Variants in OSBPL1A observed in about 807,000 individuals in gnomAD.
OSBPL1A encodes the protein oxysterol-binding protein-related protein 1.
A neutral mutation model predicts 137.1 loss-of-function variants in OSBPL1A; 80 were observed. That is an observed-to-expected ratio of 0.58 (90% confidence interval 0.49 to 0.70). OSBPL1A has a LOEUF of 0.70. OSBPL1A is among the 30% of genes least tolerant of loss of function. OSBPL1A has a pLI of 0.00. For synonymous variants in OSBPL1A, 365 were observed against 389.7 expected, an observed-to-expected ratio of 0.94 and a Z score of 0.75; for missense variants, 970 against 1,129.4, an observed-to-expected ratio of 0.86 and a Z score of 2.02.
Position 24,239,215 on chromosome 18 carries a change from G to A in OSBPL1A, c.1444+5C>T, listed in dbSNP as rs2088599774. On this transcript the variant is annotated splice_donor_5th_base_variant and intron_variant, in intron 16 of 27. Coordinates refer to ENST00000319481, the MANE Select transcript of OSBPL1A (RefSeq NM_080597.4). ...ACAATGCAGAGGGAAGGATCCCAGAGTTACCTGACAGCGCATCATAGAACT... is the reference window on the plus strand; with the variant it reads ...ACAATGCAGAGGGAAGGATCCCAGAATTACCTGACAGCGCATCATAGAACT... The A allele has an allele frequency of 6.8e-6, 11 of 1,612,846 alleles. No homozygotes were observed. Among genetic ancestry groups the A allele is most frequent in the Non-Finnish European group, 5.9e-6 (7 of 1,179,614 alleles).
chr18:24,199,905 A>C (rs1251942764), intron 17 of OSBPL1A, among the ~76,000 whole-genome samples: 1 of 152,146 alleles, frequency 6.6e-6, no homozygotes, highest in Non-Finnish European at 1.5e-5. Context: ...ACAACAAAGA[A>C]TTACCCACCT....
At position 24,341,583 on chromosome 18, in the gene OSBPL1A, C is replaced by A. The variant is rs192492030; in HGVS notation, c.358G>T (p.Val120Phe). 1.2e-6 allele frequency: 2 copies of A among 1,613,244 alleles called. No homozygotes were observed. Among genetic ancestry groups the A allele is most frequent in the Admixed American group, 3.3e-5 (2 of 59,932 alleles). Residue 120 changes from valine to phenylalanine, a missense_variant, in exon 5 of 28, where the codon GTT becomes TTT. By Grantham distance (50) the Val-to-Phe change is conservative. Around this residue, in one of 2 missense-constraint regions of OSBPL1A, gnomAD observed 647 missense variants for 672.6 expected, o/e 0.96. Transcript: ENST00000319481. Reference sequence around the variant, plus strand: ...CTTCTGATTTCTTCAGCATGAGTAACTTCTTTTGCTGTCTGTCCACTCCCA... The same window carrying A: ...CTTCTGATTTCTTCAGCATGAGTAAATTCTTTTGCTGTCTGTCCACTCCCA... ...VNGSGQTAKE[V>F]THAEEIRSML...
chr18:24,289,300 T>G (rs567894549), intron 14 of OSBPL1A, among the ~76,000 whole-genome samples: 1 of 152,282 alleles, frequency 6.6e-6, no homozygotes, highest in East Asian at 1.9e-4. Context: ...TACCTTACAT[T>G]GTAGATCTGG....
chr18:24,201,931 G>GA (rs1163401322), intron 17 of OSBPL1A, among the ~76,000 whole-genome samples: 1 of 151,996 alleles, frequency 6.6e-6, no homozygotes, highest in Non-Finnish European at 1.5e-5. Context: ...GAGGCCCTCT[G>GA]AAAAAAAGAA....
In OSBPL1A at chr18:24,225,489, G is replaced by A. The variant is rs191778452; in HGVS notation, c.1445-291C>T. Among the ~76,000 whole-genome samples, 394 of 152,280 alleles carry A rather than the reference G, an allele frequency of 2.6e-3. 3 individuals are homozygous for A. The highest frequency in any genetic ancestry group is 4.4e-3 in the Non-Finnish European group (301 of 68,020). On this transcript the variant is annotated intron_variant, in intron 16 of 27. Coordinates refer to ENST00000319481, the MANE Select transcript of OSBPL1A (RefSeq NM_080597.4). ...TCAGTTCTTTACGAAATCATATTCA[G>A]TGGTTGCCCCCAAAATTTCCACCTC...
At chr18:24,177,867 C>A in intron 21 of OSBPL1A, 146 bp downstream of exon 21, 1 of 679,872 alleles carries the variant, frequency 1.5e-6, no homozygotes, top group Non-Finnish European at 2.3e-6. Flanking sequence ...TTCTCAAATT[C>A]TTTTACATAG....
chr18:24,232,585 G>A (rs1471567462), intron 16 of OSBPL1A, among the ~76,000 whole-genome samples: 1 of 152,154 alleles, frequency 6.6e-6, no homozygotes, highest in Non-Finnish European at 1.5e-5. Flanking sequence ...TCTATTTTGG[G>A]CTACCAAATC....
chr18:24,351,952 A>G (rs2091448228), intron 4 of OSBPL1A, among the ~76,000 whole-genome samples: 1 of 152,248 alleles, frequency 6.6e-6, no homozygotes, highest in Non-Finnish European at 1.5e-5. Flanking sequence ...TATTTATTTA[A>G]CCAAAATCTA....
At chr18:24,246,668 G>A (rs900656861) in intron 15 of OSBPL1A, among the ~76,000 whole-genome samples, 22 of 151,960 alleles carry the variant, frequency 1.4e-4, no homozygotes, top group African/African-American at 5.3e-4. Flanking sequence ...GTACATGCCT[G>A]TAATCCCAGC....
At position 24,293,532 on chromosome 18, in the gene OSBPL1A, C is replaced by G. The variant is rs988823172; in HGVS notation, c.1174+10105G>C. ...GGCAGAGCAGACGAGGAGGAGCAAA[C>G]CAGCGCAGGAGGCCAGGAAAATCCT... On this transcript the variant is annotated intron_variant, in intron 14 of 27. Coordinates refer to ENST00000319481, the MANE Select transcript of OSBPL1A (RefSeq NM_080597.4). Among the ~76,000 whole-genome samples the G allele has an allele frequency of 2.6e-5, 4 of 152,176 alleles. No individual in the cohort carries two copies. In the South Asian group the frequency reaches 8.3e-4, roughly 32 times the overall value.
rs189639145 is a variant in OSBPL1A, at chr18:24,281,951, G to A, written c.1175-1003C>T. Among the ~76,000 whole-genome samples the A allele has an allele frequency of 9.2e-5, 14 of 152,236 alleles. 1 individual carries two copies. The East Asian group carries it at 1.2e-3, about 13-fold the overall frequency. Reference sequence around the variant, plus strand: ...ATCAGTGGCAGCATTAGATTCTCACGAGAGCACGAACCCTATTGCGAACTG... The same window carrying A: ...ATCAGTGGCAGCATTAGATTCTCACAAGAGCACGAACCCTATTGCGAACTG... On this transcript the variant is annotated intron_variant, in intron 14 of 27. Transcript: ENST00000319481.
intron 13 of OSBPL1A, among the ~76,000 whole-genome samples, chr18:24,308,091 T>G (rs1479608662): frequency 6.6e-6 from 1 of 151,178 alleles, no homozygotes; most frequent in African/African-American, 2.4e-5. Context: ...CTCATTCCAT[T>G]AAACTCGAGC....
At chr18:24,178,423 T>C (rs931290983) in intron 20 of OSBPL1A, among the ~76,000 whole-genome samples, 3 of 151,890 alleles carry the variant, frequency 2.0e-5, no homozygotes, top group African/African-American at 2.4e-5. Flanking sequence ...TCTCGACTAA[T>C]TGGGATTACA....
chr18:24,248,526 C>A (rs956532459), intron 15 of OSBPL1A, among the ~76,000 whole-genome samples: 16 of 152,350 alleles, frequency 1.1e-4, no homozygotes, highest in African/African-American at 3.8e-4. Context: ...TCTCTTCACT[C>A]AAGCTCCTCC....
At chr18:24,393,123 G>C (rs2144290623) in intron 1 of OSBPL1A, among the ~76,000 whole-genome samples, 1 of 152,266 alleles carries the variant, frequency 6.6e-6, no homozygotes, top group East Asian at 1.9e-4. Context: ...CTCTAACTAT[G>C]ATTAGTTGCT....
chr18:24,389,212 A>G lies in OSBPL1A; in HGVS notation c.-3+8443T>C, dbSNP rs1907155565. Among the ~76,000 whole-genome samples, 3 of 152,140 alleles carry G rather than the reference A, an allele frequency of 2.0e-5. No homozygotes were observed. In the South Asian group the frequency reaches 6.2e-4, roughly 32 times the overall value. On this transcript the variant is annotated intron_variant, in intron 1 of 27. Coordinates refer to ENST00000319481, the MANE Select transcript of OSBPL1A (RefSeq NM_080597.4). ...GCTCTTCTCACATTCACGCAATTCC[A>G]AGCTCTGTTTTTAGATTAATGAGAT... is the stretch of plus-strand genomic sequence containing the variant.
intron 26 of OSBPL1A, 99 bp downstream of exon 26, chr18:24,166,480 C>T (rs1156649624): frequency 8.5e-6 from 12 of 1,410,946 alleles, no homozygotes; most frequent in South Asian, 3.0e-5. Flanking sequence ...AGACTAAAAA[C>T]GCTAGTACCC....
chr18:24,210,535 C>CTTTTT (rs11355890), intron 17 of OSBPL1A, among the ~76,000 whole-genome samples: 2 of 143,128 alleles, frequency 1.4e-5, no homozygotes, highest in Non-Finnish European at 3.0e-5. Context: ...TTTTCTTTTT[C>CTTTTT]TTTTTTTTTT....
chr18:24,273,490 C>T (rs73392258), intron 15 of OSBPL1A, among the ~76,000 whole-genome samples: 15,575 of 152,220 alleles, frequency 0.1, 917 homozygotes, highest in Middle Eastern at 0.16. Context: ...CACATATATG[C>T]GCTCAATTTC....
Sources: gnomAD v4.1 joint callset for allele counts (sites outside exome capture counted in the v4.1 genomes callset) on GRCh38, gnomAD v4.1.1 for gene constraint, gnomAD v4.1.1 regional missense constraint, MANE v1.5 for transcripts, NCBI Gene and HGNC (gene_info 2026-07-23, HGNC 2026-07-21) for gene names.